The following COLQ variants were observed in gnomAD, a reference collection of about 807,000 sequenced individuals.
The protein encoded by COLQ is collagen like tail subunit of asymmetric acetylcholinesterase.
In COLQ, 48 loss-of-function variants were observed where a neutral mutation model predicts 69.0. That is an observed-to-expected ratio of 0.70 (90% CI 0.55 to 0.88). The LOEUF (loss-of-function observed/expected upper bound fraction) is 0.88. COLQ is among the 40% of genes least tolerant of loss of function. COLQ has a pLI of 0.00. For missense variants in COLQ, 618 were observed against 594.6 expected, an observed-to-expected ratio of 1.04 and a Z score of -0.41; for synonymous variants, 217 against 211.2, an observed-to-expected ratio of 1.03 and a Z score of -0.24.
chr3:15,454,170 C>G (rs2061992443), intron 15 of COLQ, among the ~76,000 whole-genome samples: 1 of 152,148 alleles, frequency 6.6e-6, no homozygotes. Context: ...AACTTACTAG[C>G]TGAGGGGTGG....
At chr3:15,495,836 T>C (rs1301909608) in intron 1 of COLQ, among the ~76,000 whole-genome samples, 2 of 152,176 alleles carry the variant, frequency 1.3e-5, no homozygotes, top group African/African-American at 4.8e-5. Flanking sequence ...GCTTCAGTTG[T>C]AGGGTGGAGG....
chr3:15,482,801 G>C lies in COLQ; in HGVS notation c.322-3419C>G, dbSNP rs192932310. Among the ~76,000 whole-genome samples, 814 of 152,268 alleles carry C rather than the reference G, an allele frequency of 5.3e-3. 3 individuals are homozygous for C. The highest frequency in any genetic ancestry group is 0.01 in the Middle Eastern group (3 of 294). ...GAAAGAATGGTACCAGCTCCTCCTTGTACCTCTGGTAGAATTTGGCTATGA... is the reference window on the plus strand; with the variant it reads ...GAAAGAATGGTACCAGCTCCTCCTTCTACCTCTGGTAGAATTTGGCTATGA... On this transcript the variant is annotated intron_variant, in intron 3 of 16. Coordinates refer to ENST00000383788, the MANE Select transcript of COLQ (RefSeq NM_005677.4).
intron 1 of COLQ, among the ~76,000 whole-genome samples, chr3:15,512,348 C>T (rs1034167586): frequency 6.6e-6 from 1 of 151,930 alleles, no homozygotes; most frequent in South Asian, 2.1e-4. Flanking sequence ...CCCAAACACG[C>T]GCCCCATGCC....
intron 12 of COLQ, among the ~76,000 whole-genome samples, chr3:15,462,490 G>A (rs2062135137): frequency 6.6e-6 from 1 of 151,492 alleles, no homozygotes; most frequent in Non-Finnish European, 1.5e-5. Context: ...CGGAATGGGG[G>A]GCGGGGGCAT....
At chr3:15,462,122 G>A (rs915721781) in intron 12 of COLQ, among the ~76,000 whole-genome samples, 6 of 151,986 alleles carry the variant, frequency 3.9e-5, no homozygotes, top group African/African-American at 9.7e-5. Flanking sequence ...TCCGCCTCCC[G>A]GGTTCAAGTG....
intron 3 of COLQ, among the ~76,000 whole-genome samples, chr3:15,484,833 G>A (rs1158880108): frequency 1.3e-5 from 2 of 152,086 alleles, no homozygotes; most frequent in Non-Finnish European, 2.9e-5. Context: ...TTTTTTCAAG[G>A]TTTTAGCTTC....
At chr3:15,462,539 G>A (rs1027117066) in intron 12 of COLQ, among the ~76,000 whole-genome samples, 1 of 152,192 alleles carries the variant, frequency 6.6e-6, no homozygotes, top group East Asian at 1.9e-4. Context: ...TGGCTCCTAA[G>A]GAGATGAACT....
In COLQ at chr3:15,478,750, GGAA is replaced by G. The variant is rs573659582; in HGVS notation, c.393+224_393+226del. 0.012 allele frequency: 7,475 copies of G among 625,036 alleles called. 61 individuals are homozygous for G. Among genetic ancestry groups the G allele is most frequent in the Non-Finnish European group, 0.016 (5,630 of 349,882 alleles). 38.7% of individuals were successfully genotyped at this position (625,036 alleles called of 1,614,324 possible). ...AATTTGGCCAGGCTTGGCAGCCCCCGGAAGAAGTCTGAATGCCTGGCAGTAGCA... is the reference window on the plus strand; with the variant it reads ...AATTTGGCCAGGCTTGGCAGCCCCCGGAAGTCTGAATGCCTGGCAGTAGCA... On this transcript the variant is annotated intron_variant, in intron 5 of 16. Coordinates refer to ENST00000383788, the MANE Select transcript of COLQ (RefSeq NM_005677.4).
intron 1 of COLQ, among the ~76,000 whole-genome samples, chr3:15,508,076 T>C (rs991387416): frequency 7.2e-5 from 11 of 152,212 alleles, no homozygotes; most frequent in African/African-American, 1.4e-4. Flanking sequence ...TTTTCTTTTA[T>C]GGTTTCTGGG....
At chr3:15,457,069 C>T (rs2062036625) in intron 13 of COLQ, among the ~76,000 whole-genome samples, 2 of 152,140 alleles carry the variant, frequency 1.3e-5, no homozygotes, top group South Asian at 4.1e-4. Flanking sequence ...GGTGATCCAC[C>T]CACCTCGGCC....
Position 15,456,123 on chromosome 3 carries a change from C to A in COLQ, c.1075-104G>T, listed in dbSNP as rs769944838. The A allele has an allele frequency of 2.3e-6, 3 of 1,331,878 alleles. No homozygotes were observed. The South Asian group carries it at 3.7e-5, about 16-fold the overall frequency. 82.5% of individuals were successfully genotyped at this position (1,331,878 alleles called of 1,614,324 possible). A position where few individuals can be genotyped will look rare whatever the true frequency, so the allele number is the denominator to read the frequency against. On this transcript the variant is annotated intron_variant, in intron 14 of 16. Coordinates refer to ENST00000383788, the MANE Select transcript of COLQ (RefSeq NM_005677.4). ...TCCAAAGGCACTGCTGGGGGGCATGCCTTGACTTCCTCCCAGGGGTGGGAA... is the reference window on the plus strand; with the variant it reads ...TCCAAAGGCACTGCTGGGGGGCATGACTTGACTTCCTCCCAGGGGTGGGAA...
In COLQ at chr3:15,454,763, C is replaced by T. The variant is rs145012629; in HGVS notation, c.1196-832G>A. On this transcript the variant is annotated intron_variant, in intron 15 of 16. Transcript: ENST00000383788. The stretch of plus-strand genomic sequence containing the variant: ...CTTGAACCCCTGGGCTCAAATCATC[C>T]TCCCACCTCACCCTCCTAAGCAGCT... Among the ~76,000 whole-genome samples the T allele has an allele frequency of 8.4e-3, 1,270 of 151,462 alleles. 19 individuals are homozygous for T. The highest frequency in any genetic ancestry group is 0.029 in the African/African-American group (1,200 of 41,072).
chr3:15,474,132 G>A, intron 9 of COLQ, 96 bp downstream of exon 9: 7 of 1,581,474 alleles, frequency 4.4e-6, no homozygotes, highest in Middle Eastern at 1.7e-4. Context: ...ATGGAGGCCT[G>A]TCCATCAGTC....
At chr3:15,509,658 T>C (rs1282424914) in intron 1 of COLQ, among the ~76,000 whole-genome samples, 1 of 152,258 alleles carries the variant, frequency 6.6e-6, no homozygotes, top group Admixed American at 6.5e-5. Flanking sequence ...GCTGGGCCCT[T>C]CCCAGGCTCT....
At chr3:15,479,418 A>G in intron 3 of COLQ, 36 bp from the exon 4 acceptor site, 1 of 1,606,772 alleles carries the variant, frequency 6.2e-7, no homozygotes, top group South Asian at 1.1e-5. Context: ...GAAAGTATAT[A>G]TCAGTCTGAA....
intron 1 of COLQ, among the ~76,000 whole-genome samples, chr3:15,518,212 C>G (rs1033994247): frequency 9.9e-5 from 15 of 152,184 alleles, no homozygotes; most frequent in African/African-American, 3.4e-4. Flanking sequence ...TCCCAAAGTG[C>G]TGGGATTACA....
At chr3:15,508,880 G>A (rs1302451062) in intron 1 of COLQ, among the ~76,000 whole-genome samples, 1 of 152,036 alleles carries the variant, frequency 6.6e-6, no homozygotes, top group Admixed American at 6.5e-5. Flanking sequence ...GCCAGGTGTA[G>A]TGGTTCACGT....
At chr3:15,461,991 G>A (rs1365244973) in intron 12 of COLQ, among the ~76,000 whole-genome samples, 2 of 147,348 alleles carry the variant, frequency 1.4e-5, no homozygotes, top group Non-Finnish European at 3.0e-5. Flanking sequence ...CCCAGGCACA[G>A]GGATAACTTA....
At chr3:15,486,056 T>G (rs1056779655) in intron 3 of COLQ, among the ~76,000 whole-genome samples, 1 of 152,226 alleles carries the variant, frequency 6.6e-6, no homozygotes, top group Non-Finnish European at 1.5e-5. Flanking sequence ...AATCGTAATG[T>G]GTAGATAAGT....
Sources: gnomAD v4.1 joint callset for allele counts (sites outside exome capture counted in the v4.1 genomes callset) on GRCh38, gnomAD v4.1.1 for gene constraint, MANE v1.5 for transcripts, NCBI Gene and HGNC (gene_info 2026-07-23, HGNC 2026-07-21) for gene names.